The following DENND2C variants were observed in gnomAD, a reference collection of about 807,000 sequenced individuals.
The protein encoded by DENND2C is DENN domain-containing protein 2C.
In DENND2C, 72 loss-of-function variants were observed where a neutral mutation model predicts 112.4. The observed-to-expected ratio is 0.64, with a 90% confidence interval of 0.53 to 0.78. The LOEUF (loss-of-function observed/expected upper bound fraction) is 0.78. DENND2C is among the 30% of genes least tolerant of loss of function. The pLI is 0.00. For synonymous variants in DENND2C, 329 were observed against 381.6 expected (o/e 0.86, Z 1.61); for missense variants, 992 against 1,113.8 (o/e 0.89, Z 1.56).
At chr1:114,587,090 G>T (rs1655059251) in intron 20 of DENND2C, 1 of 283,432 alleles carries the variant, frequency 3.5e-6, no homozygotes, top group Non-Finnish European at 6.8e-6. Context: ...CAGAGATGGG[G>T]TTTCACCATG....
intron 8 of DENND2C, among the ~76,000 whole-genome samples, chr1:114,613,624 C>A (rs1655882138): frequency 6.6e-6 from 1 of 151,818 alleles, no homozygotes; most frequent in Admixed American, 6.6e-5. Context: ...CTCTTAGAAA[C>A]TTAGGAAGTG....
At chr1:114,632,296 G>C (rs1387659036) in intron 3 of DENND2C, among the ~76,000 whole-genome samples, 1 of 151,994 alleles carries the variant, frequency 6.6e-6, no homozygotes, top group African/African-American at 2.4e-5. Flanking sequence ...TAAACCCAAA[G>C]ATCCAAGAGG....
chr1:114,600,389 TG>T, intron 14 of DENND2C, 37 bp from the exon 15 acceptor site: 1 of 1,612,354 alleles, frequency 6.2e-7, no homozygotes, highest in Non-Finnish European at 8.5e-7. Context: ...GAGCTAATGT[TG>T]GAAAACAATC....
intron 1 of DENND2C, among the ~76,000 whole-genome samples, chr1:114,664,069 G>T (rs1657579670): frequency 1.3e-5 from 2 of 151,774 alleles, no homozygotes; most frequent in African/African-American, 4.8e-5. Flanking sequence ...CTCCCAAGCG[G>T]CTGGGACCAC....
intron 3 of DENND2C, among the ~76,000 whole-genome samples, chr1:114,626,932 G>T (rs1180759152): frequency 6.6e-6 from 1 of 152,076 alleles, no homozygotes; most frequent in African/African-American, 2.4e-5. Flanking sequence ...AGTTAGCATG[G>T]AAACACACCA....
At chr1:114,658,407 A>G (rs1657390292) in intron 1 of DENND2C, among the ~76,000 whole-genome samples, 1 of 152,220 alleles carries the variant, frequency 6.6e-6, no homozygotes, top group Admixed American at 6.5e-5. Flanking sequence ...CCAGTGTCAT[A>G]CAAGTAAGGA....
At chr1:114,636,931 A>T (rs1212844415) in intron 3 of DENND2C, among the ~76,000 whole-genome samples, 1 of 151,802 alleles carries the variant, frequency 6.6e-6, no homozygotes, top group African/African-American at 2.4e-5. Context: ...ATTCAAAATA[A>T]CAGGTACAAC....
Position 114,599,373 on chromosome 1 carries a change from C to A in DENND2C, c.2184G>T (p.Leu728=). ...FTWQHTYIPV[L]PASMIDIVCS... is the part of the protein sequence containing the mutation. The stretch of plus-strand genomic sequence containing the variant: ...ACACGATGTCAATCATAGATGCTGG[C>A]AGGACTGGGATATAGGTATGCTGCC... Residue 728 remains leucine, a synonymous_variant, in exon 16 of 21, where the codon CTG becomes CTT. Transcript: ENST00000393274. 1.2e-6 allele frequency: 2 copies of A among 1,614,002 alleles called. No homozygotes were observed. The highest frequency in any genetic ancestry group is 1.7e-6 in the Non-Finnish European group (2 of 1,179,996).
At chr1:114,643,277 AG>A (rs1656895127) in intron 3 of DENND2C, among the ~76,000 whole-genome samples, 2 of 152,232 alleles carry the variant, frequency 1.3e-5, no homozygotes, top group African/African-American at 4.8e-5. Flanking sequence ...AATTCTGCTC[AG>A]GAAGTTGGGT....
chr1:114,589,788 T>C (rs112724903), intron 18 of DENND2C, among the ~76,000 whole-genome samples: 10 of 152,340 alleles, frequency 6.6e-5, no homozygotes, highest in African/African-American at 2.4e-4. Flanking sequence ...TATTCTTTGA[T>C]ATGTATGAAT....
chr1:114,603,765 C>T (rs1234492975), intron 11 of DENND2C, among the ~76,000 whole-genome samples: 1 of 151,888 alleles, frequency 6.6e-6, no homozygotes, highest in African/African-American at 2.4e-5. Context: ...GGTCTCAAAC[C>T]TGGCCTCAAA....
chr1:114,668,724 A>G (rs139405148), intron 1 of DENND2C, among the ~76,000 whole-genome samples: 1,871 of 152,278 alleles, frequency 0.012, 39 homozygotes, highest in Non-Finnish European at 0.012. Context: ...ACATATCCAT[A>G]GTAAAGAACA....
intron 1 of DENND2C, among the ~76,000 whole-genome samples, chr1:114,664,883 A>C (rs997539858): frequency 6.6e-6 from 1 of 151,420 alleles, no homozygotes; most frequent in Admixed American, 6.6e-5. Flanking sequence ...ACCTGAGGTC[A>C]GGAGTTCGAG....
chr1:114,617,553 C>T (rs1365007406), intron 8 of DENND2C, among the ~76,000 whole-genome samples: 1 of 152,020 alleles, frequency 6.6e-6, no homozygotes, highest in Non-Finnish European at 1.5e-5. Flanking sequence ...TGTGATCTGC[C>T]TGCCTCAGCC....
chr1:114,613,991 C>T (rs115087010), intron 8 of DENND2C, among the ~76,000 whole-genome samples: 2,139 of 151,970 alleles, frequency 0.014, 49 homozygotes, highest in African/African-American at 0.049. Context: ...CCAGCATTTT[C>T]GGAGGCCAAG....
chr1:114,649,613 A>G (rs888322773), intron 2 of DENND2C, among the ~76,000 whole-genome samples: 7 of 152,054 alleles, frequency 4.6e-5, no homozygotes, highest in African/African-American at 1.7e-4. Context: ...CTTGGGCTCA[A>G]TCCTCCTGCC....
At chr1:114,658,607 T>C (rs1158380533) in intron 1 of DENND2C, among the ~76,000 whole-genome samples, 1 of 151,916 alleles carries the variant, frequency 6.6e-6, no homozygotes, top group African/African-American at 2.4e-5. Context: ...AGATGCAACT[T>C]CAAATGAAAC....
rs774918970 is a variant in DENND2C at position 114,625,399 on chromosome 1, A to T, written c.586T>A (p.Ser196Thr). 2 of 1,614,134 alleles carry T rather than the reference A, an allele frequency of 1.2e-6. No homozygotes were observed. Among genetic ancestry groups the T allele is most frequent in the East Asian group, 4.5e-5 (2 of 44,866 alleles). Residue 196 changes from serine to threonine, a missense_variant, in exon 4 of 21, where the codon TCT (serine) becomes ACT (threonine). Around this residue, in one of 3 missense-constraint regions of DENND2C, gnomAD observed 470 missense variants for 472.7 expected, o/e 0.99. Coordinates refer to ENST00000393274, the MANE Select transcript of DENND2C (RefSeq NM_001256404.2). The part of the protein sequence containing the change: ...GITKSLENIY[S>T]EPEGQECGPS... Reference sequence around the variant, plus strand: ...CCACATTCTTGCCCCTCAGGTTCAGAGTAAATATTTTCTAAGCTCTTGGTT... The same window carrying T: ...CCACATTCTTGCCCCTCAGGTTCAGTGTAAATATTTTCTAAGCTCTTGGTT...
chr1:114,599,895 C>G (rs1266712780), intron 15 of DENND2C, among the ~76,000 whole-genome samples: 1 of 150,610 alleles, frequency 6.6e-6, no homozygotes, highest in Non-Finnish European at 1.5e-5. Flanking sequence ...TTTGTTCTCA[C>G]TCATAGGTGG....
Sources: gnomAD v4.1 joint callset for allele counts (sites outside exome capture counted in the v4.1 genomes callset) on GRCh38, gnomAD v4.1.1 for gene constraint, gnomAD v4.1.1 regional missense constraint, MANE v1.5 for transcripts, NCBI Gene and HGNC (gene_info 2026-07-23, HGNC 2026-07-21) for gene names.